Variants in PLEKHD1 observed in about 807,000 individuals in gnomAD.
PLEKHD1 encodes pleckstrin homology and coiled-coil domain containing D1.
Under a neutral mutation model 69.2 loss-of-function variants are expected in PLEKHD1, and 51 were observed. The observed-to-expected ratio is 0.74, with a 90% CI of 0.59 to 0.93. The LOEUF is 0.93. PLEKHD1 is among the 40% of genes least tolerant of loss of function. PLEKHD1 has a pLI of 0.00. For missense variants in PLEKHD1, 584 were observed against 641.0 expected (o/e 0.91, Z 0.96); for synonymous variants, 236 against 244.7 (o/e 0.96, Z 0.33).
intron 6 of PLEKHD1, chr14:69,503,471 A>C (rs980143162): frequency 6.5e-6 from 1 of 153,774 alleles, no homozygotes; most frequent in East Asian, 1.9e-4. Flanking sequence ...CGGGTGGATC[A>C]CCTGAGGTCG....
rs761396932 is a variant in PLEKHD1, at chr14:69,525,991, C to T, written c.792C>T (p.Asn264=). ...KKKTLEMLEE[N]ENHLQTLANQ... The stretch of plus-strand genomic sequence containing the variant: ...AAACCCTGGAAATGCTGGAGGAGAA[C>T]GAGAACCACCTGCAGACACTGGCCA... The change falls in exon 9 of 13, where the codon AAC becomes AAT. Residue 264 remains asparagine, a synonymous_variant. Coordinates refer to ENST00000322564, the MANE Select transcript of PLEKHD1 (RefSeq NM_001161498.2). The T allele has an allele frequency of 1.4e-4, 221 of 1,551,638 alleles. 6 individuals carry two copies. The South Asian group carries it at 1.5e-3, about 10-fold the overall frequency.
intron 6 of PLEKHD1, among the ~76,000 whole-genome samples, chr14:69,512,708 G>T (rs1046109447): frequency 6.6e-6 from 1 of 151,970 alleles, no homozygotes; most frequent in Non-Finnish European, 1.5e-5. Flanking sequence ...ACTTTCTTTT[G>T]TTGATTTCTA....
In PLEKHD1 at chr14:69,502,891, C is replaced by T. The variant is rs1358011349; in HGVS notation, c.555+12C>T. 1 of 1,551,608 alleles carries T rather than the reference C, an allele frequency of 6.4e-7. No homozygotes were observed. The highest frequency in any genetic ancestry group is 1.4e-5 in the African/African-American group (1 of 73,138). Reference sequence around the variant, plus strand: ...GGGAGCAGAGAGAGGTAGGTGCACACCAAGGGGCTCTCAGCAGCCGTGGTG... The same window carrying T: ...GGGAGCAGAGAGAGGTAGGTGCACATCAAGGGGCTCTCAGCAGCCGTGGTG... On this transcript the variant is annotated intron_variant, in intron 6 of 12. Coordinates refer to ENST00000322564, the MANE Select transcript of PLEKHD1 (RefSeq NM_001161498.2).
chr14:69,528,285 G>A lies in PLEKHD1; in HGVS notation c.1387G>A (p.Asp463Asn). The A allele has an allele frequency of 6.4e-7, 1 of 1,551,744 alleles. No homozygotes were observed. The highest frequency in any genetic ancestry group is 8.7e-7 in the Non-Finnish European group (1 of 1,147,006). Residue 463 changes from aspartate to asparagine, a missense_variant, in exon 13 of 13, where the codon GAT becomes AAT. Transcript: ENST00000322564. Reference sequence around the variant, plus strand: ...CCAGTCCTTCATGACCTCCCAGCTGGATGCCAACAACATGGAGGAGCTAAA... The same window carrying A: ...CCAGTCCTTCATGACCTCCCAGCTGAATGCCAACAACATGGAGGAGCTAAA... ...PSQSFMTSQL[D>N]ANNMEELKEV...
At chr14:69,522,648 C>T (rs1883545292) in intron 7 of PLEKHD1, among the ~76,000 whole-genome samples, 1 of 152,136 alleles carries the variant, frequency 6.6e-6, no homozygotes, top group Non-Finnish European at 1.5e-5. Context: ...CACAAAGCCC[C>T]CTGCCTTCAT....
chr14:69,481,896 G>A (rs747366076), upstream of PLEKHD1, among the ~76,000 whole-genome samples: 4 of 152,154 alleles, frequency 2.6e-5, no homozygotes, highest in African/African-American at 4.8e-5. Context: ...CACAGGATTG[G>A]CACCTGGCTT....
At chr14:69,490,519 A>T (rs559297569) in intron 1 of PLEKHD1, among the ~76,000 whole-genome samples, 1 of 151,582 alleles carries the variant, frequency 6.6e-6, no homozygotes, top group Admixed American at 6.6e-5. Context: ...GGGGTTGAAG[A>T]CTCCTGTTTT....
chr14:69,506,837 A>G (rs1304631501), intron 6 of PLEKHD1, among the ~76,000 whole-genome samples: 1 of 145,708 alleles, frequency 6.9e-6, no homozygotes, highest in East Asian at 2.1e-4. Flanking sequence ...CATACACAAT[A>G]GTTTCACTGC....
At position 69,524,225 on chromosome 14, in the gene PLEKHD1, A is replaced by C. The variant is rs763723883; in HGVS notation, c.651-4A>C. The C allele has an allele frequency of 7.1e-5, 110 of 1,550,732 alleles. No individual in the cohort carries two copies. The highest frequency in any genetic ancestry group is 9.5e-5 in the Non-Finnish European group (109 of 1,146,286). ...CTGCCATACCCAGCCCTCTGTCTCC[A>C]CAGGGAGCTGGAACTGACTGCAAGA... On this transcript the variant is annotated splice_region_variant and splice_polypyrimidine_tract_variant and intron_variant, in intron 7 of 12. Transcript: ENST00000322564.
At chr14:69,500,758 G>C in intron 3 of PLEKHD1, 92 bp downstream of exon 3, 1 of 1,523,188 alleles carries the variant, frequency 6.6e-7, no homozygotes, top group South Asian at 1.2e-5. Flanking sequence ...CCTGGCCTGG[G>C]AGAGGGGCAT....
Position 69,501,776 on chromosome 14 carries a change from C to G in PLEKHD1, c.453C>G (p.Ser151Arg). The change falls in exon 5 of 13, where the codon AGC (serine) becomes AGG (arginine). Residue 151 changes from serine to arginine, a missense_variant. Coordinates refer to ENST00000322564, the MANE Select transcript of PLEKHD1 (RefSeq NM_001161498.2). ...NAQLGEAMIK[S>R]LEAQGLQLAK... Reference sequence around the variant, plus strand: ...AGCTGGGAGAAGCCATGATCAAAAGCCTGGAGGCCCAGGGGCTGCAGTTGG... The same window carrying G: ...AGCTGGGAGAAGCCATGATCAAAAGGCTGGAGGCCCAGGGGCTGCAGTTGG... 3.2e-6 allele frequency: 5 copies of G among 1,551,608 alleles called. No homozygotes were observed. Among genetic ancestry groups the G allele is most frequent in the Non-Finnish European group, 4.4e-6 (5 of 1,146,918 alleles).
chr14:69,523,710 G>C (rs1414948538), intron 7 of PLEKHD1, among the ~76,000 whole-genome samples: 1 of 152,120 alleles, frequency 6.6e-6, no homozygotes, highest in Non-Finnish European at 1.5e-5. Context: ...GAGTGAGATG[G>C]GCCTTGAAAG....
chr14:69,498,043 T>TTTTA (rs1882926614), intron 1 of PLEKHD1, among the ~76,000 whole-genome samples: 8 of 127,368 alleles, frequency 6.3e-5, no homozygotes, highest in Admixed American at 2.3e-4. Context: ...TTTTATTTTA[T>TTTTA]TTTATTTTAT....
In PLEKHD1 at chr14:69,498,993, G is replaced by A. The variant is rs368510107; in HGVS notation, c.150-1122G>A. On this transcript the variant is annotated intron_variant, in intron 1 of 12. Coordinates refer to ENST00000322564, the MANE Select transcript of PLEKHD1 (RefSeq NM_001161498.2). ...AAGCCCCTCACAAGAGGGCCCATTC[G>A]ACCAGTGGCGTGCTGGCAAATGCTT... is the stretch of plus-strand genomic sequence containing the variant. 5.1e-4 allele frequency among the ~76,000 whole-genome samples: 78 copies of A among 152,156 alleles called. 1 individual carries two copies. The South Asian group carries it at 6.9e-3, about 13-fold the overall frequency.
chr14:69,520,966 G>T (rs897503101), intron 6 of PLEKHD1, among the ~76,000 whole-genome samples: 3 of 152,136 alleles, frequency 2.0e-5, no homozygotes, highest in African/African-American at 7.2e-5. Flanking sequence ...CCCAGGAGGA[G>T]CATCAGAATG....
At chr14:69,495,594 T>C (rs1414171733) in intron 1 of PLEKHD1, among the ~76,000 whole-genome samples, 2 of 152,228 alleles carry the variant, frequency 1.3e-5, no homozygotes, top group Admixed American at 6.5e-5. Context: ...ATGTGGAAAG[T>C]ACTCTATAAA....
chr14:69,488,529 G>T (rs1882703048), intron 1 of PLEKHD1, among the ~76,000 whole-genome samples: 1 of 152,132 alleles, frequency 6.6e-6, no homozygotes, highest in Non-Finnish European at 1.5e-5. Flanking sequence ...TGTGGAGGGT[G>T]CCTGAAGGAC....
At position 69,530,458 on chromosome 14, in the gene PLEKHD1, G is replaced by C. The variant is rs2139539331; in HGVS notation, c.*2039G>C. The stretch of plus-strand genomic sequence containing the variant: ...TATGAAGGATGAACTTTGAATTGAA[G>C]GGGAATATTTATAAAACCAAGATTA... On this transcript the variant is annotated 3_prime_UTR_variant, in exon 13 of 13. Transcript: ENST00000322564. The C allele has an allele frequency of 6.6e-6, 1 of 152,260 alleles. No individual in the cohort carries two copies. Among genetic ancestry groups the C allele is most frequent in the Non-Finnish European group, 1.5e-5 (1 of 68,032 alleles). The allele number at this position is 152,260 out of a possible 1,614,324, so 9.4% of individuals were successfully genotyped here.
chr14:69,521,985 A>G (rs112651455), intron 6 of PLEKHD1, among the ~76,000 whole-genome samples: 2,780 of 152,262 alleles, frequency 0.018, 113 homozygotes, highest in South Asian at 0.17. Context: ...CAGAGTAGAT[A>G]TTTAGAATTA....
Sources: gnomAD v4.1 joint callset for allele counts (sites outside exome capture counted in the v4.1 genomes callset) on GRCh38, gnomAD v4.1.1 for gene constraint, MANE v1.5 for transcripts, NCBI Gene and HGNC (gene_info 2026-07-23, HGNC 2026-07-21) for gene names.